SLFN12L: variants seen among roughly 807,000 people sequenced by gnomAD.
SLFN12L encodes schlafen family member 12 like, also known as schlafen family member 12-like.
SLFN12L carries 34 observed loss-of-function variants against 34.8 expected under a neutral mutation model. The ratio of observed to expected loss-of-function variants is 0.98; its 90% CI spans 0.74 to 1.30. SLFN12L has a LOEUF of 1.30. SLFN12L is among the 50% of genes most tolerant of loss of function. The pLI is 0.00. For missense variants in SLFN12L, 703 were observed against 696.2 expected, an observed-to-expected ratio of 1.01 and a Z score of -0.11; for synonymous variants, 259 against 247.5, an observed-to-expected ratio of 1.05 and a Z score of -0.44.
chr17:35,480,422 T>G, intron 2 of SLFN12L: 1 of 410,868 alleles, frequency 2.4e-6, no homozygotes, highest in Non-Finnish European at 4.3e-6. Flanking sequence ...CTTATTCTAA[T>G]AATTTTAATC....
At chr17:35,501,358 T>C (rs2142150530) in intron 2 of SLFN12L, among the ~76,000 whole-genome samples, 1 of 152,364 alleles carries the variant, frequency 6.6e-6, no homozygotes, top group South Asian at 2.1e-4. Context: ...TCTTTAGACC[T>C]TGCCCACTCC....
intron 1 of SLFN12L, among the ~76,000 whole-genome samples, chr17:35,536,557 A>G (rs2072463019): frequency 6.6e-6 from 1 of 152,220 alleles, no homozygotes; most frequent in Non-Finnish European, 1.5e-5. Flanking sequence ...CATGCATGTA[A>G]TCCCAGCACT....
chr17:35,496,553 C>G (rs188951447), intron 2 of SLFN12L, among the ~76,000 whole-genome samples: 1 of 151,148 alleles, frequency 6.6e-6, no homozygotes, highest in East Asian at 2.0e-4. Context: ...TCCCTCCCCT[C>G]CCCTCATGAC....
intron 1 of SLFN12L, among the ~76,000 whole-genome samples, chr17:35,530,512 GAAAAGAAAAGAAAAGAAAAGAAAAGA>G (rs2072397386): frequency 9.0e-5 from 3 of 33,300 alleles, no homozygotes; most frequent in Admixed American, 2.6e-4. Context: ...AAGAAAGAAA[GAAAAGAAAAGAAAAGAAAAGAAAAGA>G]AAAGAAAGAA....
rs971989865 is a variant in SLFN12L, at chr17:35,495,762, C to T, written c.87-15567G>A. Among the ~76,000 whole-genome samples, 83 of 151,868 alleles carry T rather than the reference C, an allele frequency of 5.5e-4. 2 individuals carry two copies. Among genetic ancestry groups the T allele is most frequent in the Admixed American group, 5.2e-3 (79 of 15,234 alleles). On this transcript the variant is annotated intron_variant, in intron 2 of 4. Transcript: ENST00000628453. The stretch of plus-strand genomic sequence containing the variant: ...TTTTCGGGGCAGGCAAGGATTAGAC[C>T]GGGATCTGACACCAACTGGCGCTGT...
chr17:35,496,918 C>A (rs1022730541), intron 2 of SLFN12L, among the ~76,000 whole-genome samples: 1 of 152,194 alleles, frequency 6.6e-6, no homozygotes, highest in Non-Finnish European at 1.5e-5. Context: ...CCTAATGGTA[C>A]AAATGGAATA....
intron 2 of SLFN12L, chr17:35,489,870 A>C (rs1479441811): frequency 1.1e-5 from 8 of 744,954 alleles, no homozygotes; most frequent in Admixed American, 8.9e-5. Context: ...TCCGGAGAGG[A>C]ACACCAACCT....
intron 2 of SLFN12L, among the ~76,000 whole-genome samples, chr17:35,513,635 A>G (rs1298844244): frequency 6.6e-6 from 1 of 152,200 alleles, no homozygotes; most frequent in African/African-American, 2.4e-5. Flanking sequence ...ACTATTTGAG[A>G]ATAAGAGGTC....
At chr17:35,526,095 T>C (rs1334320753) in intron 1 of SLFN12L, among the ~76,000 whole-genome samples, 3 of 151,744 alleles carry the variant, frequency 2.0e-5, no homozygotes, top group African/African-American at 7.3e-5. Context: ...CCAACAGAGA[T>C]CAAAAAAGAC....
intron 2 of SLFN12L, among the ~76,000 whole-genome samples, chr17:35,515,659 T>TTTTTTTG (rs1915801400): frequency 1.2e-5 from 1 of 81,966 alleles, no homozygotes; most frequent in African/African-American, 4.1e-5. Flanking sequence ...TTTTTTTTTT[T>TTTTTTTG]GAGATGGAGT....
rs1913894675 is a variant in SLFN12L at position 35,474,799 on chromosome 17, G to T, written c.*124C>A. 3.2e-6 allele frequency: 3 copies of T among 948,670 alleles called. No homozygotes were observed. Among genetic ancestry groups the T allele is most frequent in the South Asian group, 1.8e-5 (1 of 55,110 alleles). 58.8% of individuals were successfully genotyped at this position (948,670 alleles called of 1,614,324 possible). A position where few individuals can be genotyped will look rare whatever the true frequency, so the allele number is the denominator to read the frequency against. On this transcript the variant is annotated 3_prime_UTR_variant, in exon 5 of 5. Coordinates refer to ENST00000628453, the MANE Select transcript of SLFN12L (RefSeq NM_001363830.2). ...AAAAAAAAATTAGCCAGGTGTGGTG[G>T]CAGGCACATGTAATCCCAGCTACTC...
chr17:35,524,583 G>T (rs9910817), intron 1 of SLFN12L, among the ~76,000 whole-genome samples: 2 of 152,226 alleles, frequency 1.3e-5, no homozygotes, highest in African/African-American at 4.8e-5. Context: ...CAGGCAAACG[G>T]GGTCTGCAGT....
intron 2 of SLFN12L, chr17:35,499,148 C>A (rs959289836): frequency 1.1e-6 from 1 of 876,832 alleles, no homozygotes; most frequent in East Asian, 3.7e-5. Context: ...TGTCCCGCAT[C>A]CATTTGGCTT....
At chr17:35,501,816 TA>T (rs1480709013) in intron 2 of SLFN12L, among the ~76,000 whole-genome samples, 1 of 152,088 alleles carries the variant, frequency 6.6e-6, no homozygotes, top group African/African-American at 2.4e-5. Context: ...TGGCACAAGG[TA>T]ACTTGTAAGC....
At chr17:35,514,302 A>T (rs1429576233) in intron 2 of SLFN12L, among the ~76,000 whole-genome samples, 1 of 152,238 alleles carries the variant, frequency 6.6e-6, no homozygotes, top group East Asian at 1.9e-4. Flanking sequence ...TGTCTAAGAG[A>T]TTAAATGGAA....
intron 1 of SLFN12L, among the ~76,000 whole-genome samples, chr17:35,532,848 A>G (rs1336898318): frequency 6.6e-6 from 1 of 151,836 alleles, no homozygotes; most frequent in Non-Finnish European, 1.5e-5. Context: ...AACAAAAATC[A>G]TTCCACTGCA....
At position 35,473,148 on chromosome 17, in the gene SLFN12L, C is replaced by T. The variant is rs1244794168; in HGVS notation, c.*1775G>A. Among the ~76,000 whole-genome samples the T allele has an allele frequency of 6.6e-6, 1 of 152,150 alleles. No individual in the cohort carries two copies. Among genetic ancestry groups the T allele is most frequent in the African/African-American group, 2.4e-5 (1 of 41,436 alleles). On this transcript the variant is annotated 3_prime_UTR_variant, in exon 5 of 5. Transcript: ENST00000628453. ...CCTATTCGAATACCTTTATTTCTTT[C>T]TCTTGCCTGATTGCCCTGGCCGGAA...
rs577859148 is a variant in SLFN12L, at chr17:35,515,113, C to T, written c.86+7166G>A. The T allele has an allele frequency of 9.6e-6, 6 of 627,946 alleles. No homozygotes were observed. The East Asian group carries it at 2.4e-4, about 25-fold the overall frequency. The allele number at this position is 627,946 out of a possible 1,614,324, so 38.9% of individuals were successfully genotyped here. ...AAGTTGGGGTCACTTCAGTCTTTTG[C>T]GGTCGAAGTAGATGCAGTACCCGAT... On this transcript the variant is annotated intron_variant, in intron 2 of 4. Coordinates refer to ENST00000628453, the MANE Select transcript of SLFN12L (RefSeq NM_001363830.2).
At position 35,466,361 on chromosome 17, in the gene SLFN12L, T is replaced by C. The variant is rs1188623489; in HGVS notation, c.*8562A>G. 6.6e-6 allele frequency among the ~76,000 whole-genome samples: 1 copy of C among 152,206 alleles called. No individual in the cohort carries two copies. Among genetic ancestry groups the C allele is most frequent in the Non-Finnish European group, 1.5e-5 (1 of 68,024 alleles). On this transcript the variant is annotated 3_prime_UTR_variant, in exon 5 of 5. Transcript: ENST00000628453. ...ACCACCGATCATTTTACTGTCTCCA[T>C]AATCTTGCCTTTTACAGAATGTCAT...
Sources: gnomAD v4.1 joint callset for allele counts (sites outside exome capture counted in the v4.1 genomes callset) on GRCh38, gnomAD v4.1.1 for gene constraint, MANE v1.5 for transcripts, NCBI Gene and HGNC (gene_info 2026-07-23, HGNC 2026-07-21) for gene names.